Variants in GLB1L2 observed in about 807,000 individuals in gnomAD.
GLB1L2 encodes beta-galactosidase-1-like protein 2.
Under a neutral mutation model 84.1 loss-of-function variants are expected in GLB1L2, and 68 were observed. The observed-to-expected ratio is 0.81, with a 90% CI of 0.67 to 0.99. GLB1L2 has a LOEUF of 0.99. Ranked by LOEUF, GLB1L2 falls within the 50% of genes least tolerant of loss-of-function variation. The pLI, the probability that GLB1L2 is intolerant of heterozygous loss-of-function variation, is 0.00. For missense variants in GLB1L2, 762 were observed against 805.6 expected (o/e 0.95, Z 0.66); for synonymous variants, 290 against 318.0 (o/e 0.91, Z 0.94).
At chr11:134,366,854 TG>T (rs1425994251) in intron 8 of GLB1L2, among the ~76,000 whole-genome samples, 1 of 67,992 alleles carries the variant, frequency 1.5e-5, no homozygotes, top group Non-Finnish European at 3.0e-5. Context: ...GTACCCAGGG[TG>T]GGGGGGAGGG....
Position 134,334,778 on chromosome 11 carries a change from T to A in GLB1L2, c.86+2631T>A, listed in dbSNP as rs1439885353. 6.6e-6 allele frequency among the ~76,000 whole-genome samples: 1 copy of A among 152,230 alleles called. No homozygotes were observed. The highest frequency in any genetic ancestry group is 1.5e-5 in the Non-Finnish European group (1 of 68,052). On this transcript the variant is annotated intron_variant, in intron 1 of 18. Transcript: ENST00000535456. This position sits in a 1 kb window ranked among gnomAD's most constrained non-coding sequence, Gnocchi z 4.1. ...TTAAAGCATGTTTTCCTTTTTGGTC[T>A]GGCTTCTTTCACTCAGAGTATTATT...
rs1047958704 is a variant in GLB1L2 at position 134,339,894 on chromosome 11, C to T, written c.87-2860C>T. ...TGGGATGCCTCTTTCCAGGTGTCTGCACTTTGAGTCAGGCGGCTGTGACCC... is the reference window on the plus strand; with the variant it reads ...TGGGATGCCTCTTTCCAGGTGTCTGTACTTTGAGTCAGGCGGCTGTGACCC... On this transcript the variant is annotated intron_variant, in intron 1 of 18. Coordinates refer to ENST00000535456, the MANE Select transcript of GLB1L2 (RefSeq NM_001370461.1). The surrounding 1 kb of genome is among the most constrained non-coding windows in gnomAD (Gnocchi z 5.7). Among the ~76,000 whole-genome samples the T allele has an allele frequency of 1.3e-5, 2 of 152,186 alleles. No individual in the cohort carries two copies. Among genetic ancestry groups the T allele is most frequent in the African/African-American group, 4.8e-5 (2 of 41,434 alleles).
At chr11:134,352,415 A>T in intron 5 of GLB1L2, among the ~76,000 whole-genome samples, 1 of 151,222 alleles carries the variant, frequency 6.6e-6, no homozygotes, top group African/African-American at 2.4e-5. Context: ...ATTTTTCTTT[A>T]TTGTTTTTCT....
At chr11:134,356,762 C>T (rs1449117008) in intron 6 of GLB1L2, among the ~76,000 whole-genome samples, 1 of 152,170 alleles carries the variant, frequency 6.6e-6, no homozygotes, top group African/African-American at 2.4e-5. Flanking sequence ...ATCCCTGCGC[C>T]CAGGCCATGT....
Position 134,333,759 on chromosome 11 carries a change from G to A in GLB1L2, c.86+1612G>A, listed in dbSNP as rs80007310. On this transcript the variant is annotated intron_variant, in intron 1 of 18. Coordinates refer to ENST00000535456, the MANE Select transcript of GLB1L2 (RefSeq NM_001370461.1). ...CCACCTAGGTGGGGTGACCGCACTA[G>A]GAGTCAGTCTTGGGCCATTGGAGCA... Among the ~76,000 whole-genome samples, 710 of 152,326 alleles carry A rather than the reference G, an allele frequency of 4.7e-3. 4 individuals carry two copies. Among genetic ancestry groups the A allele is most frequent in the African/African-American group, 0.016 (686 of 41,576 alleles).
intron 14 of GLB1L2, 23 bp from the exon 15 acceptor site, chr11:134,371,729 C>G: frequency 6.2e-7 from 1 of 1,612,434 alleles, no homozygotes; most frequent in African/African-American, 1.3e-5. Context: ...TGACAGTCAT[C>G]GTTAGCCCCG....
At chr11:134,353,440 G>GT (rs1420988142) in intron 5 of GLB1L2, among the ~76,000 whole-genome samples, 1 of 151,986 alleles carries the variant, frequency 6.6e-6, no homozygotes, top group East Asian at 1.9e-4. Context: ...ATTAAGGCTT[G>GT]TTTTTTTGGC....
At chr11:134,364,476 C>A in intron 8 of GLB1L2, 78 bp downstream of exon 8, 1 of 1,132,564 alleles carries the variant, frequency 8.8e-7, no homozygotes, top group South Asian at 1.4e-5. Flanking sequence ...TCAGCGTGCT[C>A]AGCTTCCCCA....
At chr11:134,343,123 A>G (rs773714099) in intron 2 of GLB1L2, among the ~76,000 whole-genome samples, 172 bp downstream of exon 2, 3 of 152,232 alleles carry the variant, frequency 2.0e-5, no homozygotes, top group Non-Finnish European at 4.4e-5. Context: ...GCCAAGGGAC[A>G]TGAAATGGAT....
At chr11:134,355,382 CTTTTT>C (rs1398532836) in intron 5 of GLB1L2, among the ~76,000 whole-genome samples, 1 of 152,068 alleles carries the variant, frequency 6.6e-6, no homozygotes, top group African/African-American at 2.4e-5. Flanking sequence ...TTCCCTGTTT[CTTTTT>C]ATGTTTGTGT....
chr11:134,332,060 C>T lies in GLB1L2; in HGVS notation c.-2C>T. 3.8e-6 allele frequency: 6 copies of T among 1,569,866 alleles called. No homozygotes were observed. The highest frequency in any genetic ancestry group is 5.2e-6 in the Non-Finnish European group (6 of 1,159,072). ...CGGGTCCCCGCGCTTAGAGAACACG[C>T]GATGACCACGTGGAGCCTCCGGCGG... is the stretch of plus-strand genomic sequence containing the variant. On this transcript the variant is annotated 5_prime_UTR_variant, in exon 1 of 19. Transcript: ENST00000535456.
At position 134,370,533 on chromosome 11, in the gene GLB1L2, CAG is replaced by C. The variant is rs1280106748; in HGVS notation, c.1215+135_1215+136del. Reference sequence around the variant, plus strand: ...CAGCAGGGCCTGGAGCCCCTCCAGACAGGGAGTGTGGGGGGAGGCAGGCCAGT... The same window carrying C: ...CAGCAGGGCCTGGAGCCCCTCCAGACGGAGTGTGGGGGGAGGCAGGCCAGT... On this transcript the variant is annotated intron_variant, in intron 12 of 18. Coordinates refer to ENST00000535456, the MANE Select transcript of GLB1L2 (RefSeq NM_001370461.1). The surrounding 1 kb of genome is among the most constrained non-coding windows in gnomAD (Gnocchi z 4.7). The C allele has an allele frequency of 5.8e-6, 4 of 685,122 alleles. No homozygotes were observed. The highest frequency in any genetic ancestry group is 3.6e-5 in the African/African-American group (2 of 56,236). 42.4% of individuals were successfully genotyped at this position (685,122 alleles called of 1,614,324 possible).
At chr11:134,344,730 C>A (rs2599526) in intron 3 of GLB1L2, among the ~76,000 whole-genome samples, 1 of 143,514 alleles carries the variant, frequency 7.0e-6, no homozygotes, top group African/African-American at 2.5e-5. Context: ...GGGGTCCGGC[C>A]GCTGGGCTGG....
intron 5 of GLB1L2, among the ~76,000 whole-genome samples, chr11:134,349,910 T>C (rs886067519): frequency 2.6e-5 from 4 of 152,176 alleles, no homozygotes; most frequent in African/African-American, 7.2e-5. Flanking sequence ...TGTCTAGAAG[T>C]GTCTGGAAGC....
rs574529130 is a variant in GLB1L2, at chr11:134,362,383, C to G, written c.734-1945C>G. ...GCGTGTTTTTCTGCTGGCTGTTCCA[C>G]TCCATCTCCTGCGCGAGGGGATGCT... On this transcript the variant is annotated intron_variant, in intron 7 of 18. Coordinates refer to ENST00000535456, the MANE Select transcript of GLB1L2 (RefSeq NM_001370461.1). Among the ~76,000 whole-genome samples, 375 of 152,316 alleles carry G rather than the reference C, an allele frequency of 2.5e-3. 5 individuals are homozygous for G. Among genetic ancestry groups the G allele is most frequent in the African/African-American group, 8.8e-3 (365 of 41,576 alleles).
intron 13 of GLB1L2, 53 bp from the exon 14 acceptor site, chr11:134,371,368 C>T (rs376243411): frequency 7.1e-4 from 896 of 1,258,576 alleles, no homozygotes; most frequent in Non-Finnish European, 9.4e-4. Flanking sequence ...GAGGAGGTCC[C>T]GCTTACCCTC....
chr11:134,338,245 C>T lies in GLB1L2; in HGVS notation c.87-4509C>T, dbSNP rs7949029. 0.35 allele frequency among the ~76,000 whole-genome samples: 53,268 copies of T among 152,022 alleles called. 9,557 individuals are homozygous for T. Among genetic ancestry groups the T allele is most frequent in the Non-Finnish European group, 0.38 (26,094 of 67,948 alleles). ...TGTGACCCCAGTGAGGCCTCCCAGC[C>T]GTACCATGACCCCGGTTCCTGATGA... On this transcript the variant is annotated intron_variant, in intron 1 of 18. Coordinates refer to ENST00000535456, the MANE Select transcript of GLB1L2 (RefSeq NM_001370461.1). This position sits in a 1 kb window ranked among gnomAD's most constrained non-coding sequence, Gnocchi z 6.2.
intron 10 of GLB1L2, among the ~76,000 whole-genome samples, chr11:134,369,173 T>C (rs928540051): frequency 7.2e-5 from 11 of 152,188 alleles, no homozygotes; most frequent in Admixed American, 1.3e-4. Context: ...TTTAGGGCCA[T>C]GCTGTGATCA....
chr11:134,344,322 G>A (rs1339777437), intron 2 of GLB1L2, 65 bp from the exon 3 acceptor site: 3 of 1,584,480 alleles, frequency 1.9e-6, no homozygotes, highest in Non-Finnish European at 1.7e-6. Flanking sequence ...GCTAAAGAAG[G>A]TAATGTGAGA....
Sources: gnomAD v4.1 joint callset for allele counts (sites outside exome capture counted in the v4.1 genomes callset) on GRCh38, gnomAD v4.1.1 for gene constraint, Gnocchi (gnomAD v3.1) non-coding constraint, MANE v1.5 for transcripts, NCBI Gene and HGNC (gene_info 2026-07-23, HGNC 2026-07-21) for gene names.